SAV1: variants seen among roughly 807,000 people sequenced by gnomAD.
SAV1 encodes the protein protein salvador homolog 1.
Under a neutral mutation model 47.3 loss-of-function variants are expected in SAV1, and 23 were observed. The observed-to-expected ratio is 0.49, with a 90% CI of 0.35 to 0.69. SAV1 has a LOEUF of 0.69. Among genes scored for constraint, SAV1 ranks in the 30% least tolerant of loss-of-function variants. The pLI, the probability that SAV1 is intolerant of heterozygous loss-of-function variation, is 0.01. For missense variants in SAV1, 448 were observed against 457.4 expected (o/e 0.98, Z 0.19); for synonymous variants, 155 against 159.2 (o/e 0.97, Z 0.20).
At chr14:50,661,958 G>A (rs1164421604) in intron 2 of SAV1, among the ~76,000 whole-genome samples, 1 of 152,130 alleles carries the variant, frequency 6.6e-6, no homozygotes, top group Non-Finnish European at 1.5e-5. Context: ...TGGGCTCCTT[G>A]TTGGTTCTGT....
chr14:50,662,255 G>A (rs1351574787), intron 2 of SAV1, among the ~76,000 whole-genome samples: 7 of 152,244 alleles, frequency 4.6e-5, no homozygotes, highest in Admixed American at 6.5e-5. Context: ...TGCAAGCTCC[G>A]CCTCCCGGGT....
intron 2 of SAV1, among the ~76,000 whole-genome samples, chr14:50,659,044 C>G (rs998555046): frequency 1.3e-5 from 2 of 151,108 alleles, no homozygotes; most frequent in Non-Finnish European, 2.9e-5. Context: ...CTCTCAAGCT[C>G]TCAAGCAGTG....
At chr14:50,660,033 T>C (rs2039845651) in intron 2 of SAV1, among the ~76,000 whole-genome samples, 1 of 152,226 alleles carries the variant, frequency 6.6e-6, no homozygotes, top group Non-Finnish European at 1.5e-5. Flanking sequence ...CCCAGCTTTC[T>C]TTCCATAGTA....
chr14:50,635,083 A>T lies in SAV1; in HGVS notation c.*100T>A. 1.3e-6 allele frequency: 1 copy of T among 793,080 alleles called. No individual in the cohort carries two copies. Among genetic ancestry groups the T allele is most frequent in the Non-Finnish European group, 2.0e-6 (1 of 496,366 alleles). The allele number at this position is 793,080 out of a possible 1,614,324, so 49.1% of individuals were successfully genotyped here. ...AAAGTTAGAATTTTATAATTTCCAC[A>T]AAGGAAGCAGCATTTATTAACCAGA... is the stretch of plus-strand genomic sequence containing the variant. On this transcript the variant is annotated 3_prime_UTR_variant, in exon 5 of 5. Coordinates refer to ENST00000324679, the MANE Select transcript of SAV1 (RefSeq NM_021818.4).
intron 2 of SAV1, among the ~76,000 whole-genome samples, chr14:50,650,511 T>C (rs1194466463): frequency 6.6e-6 from 1 of 152,246 alleles, no homozygotes; most frequent in Non-Finnish European, 1.5e-5. Context: ...CCCTTGTCTG[T>C]GTGACCAATA....
chr14:50,661,868 G>T (rs1405432918), intron 2 of SAV1, among the ~76,000 whole-genome samples: 5 of 152,208 alleles, frequency 3.3e-5, no homozygotes, highest in Middle Eastern at 3.4e-3. Context: ...CTTGTATGTG[G>T]TTACTATAGC....
At chr14:50,665,098 A>G in intron 2 of SAV1, 81 bp downstream of exon 2, 1 of 1,465,646 alleles carries the variant, frequency 6.8e-7, no homozygotes, top group Non-Finnish European at 9.0e-7. Flanking sequence ...TTCGTGTCCC[A>G]AGAAAATCTA....
rs370168372 is a variant in SAV1 at position 50,667,858 on chromosome 14, C to G, written c.94+16G>C. On this transcript the variant is annotated intron_variant, in intron 1 of 4. Transcript: ENST00000324679. ...CCGCCTGGGCCAGGTGTGGGCACGC[C>G]CCGCCTGACACTCACTCCGAAGCAG... The G allele has an allele frequency of 1.9e-5, 30 of 1,611,594 alleles. No homozygotes were observed. In the African/African-American group the frequency reaches 3.7e-4, roughly 20 times the overall value.
At chr14:50,660,416 T>C (rs1282326846) in intron 2 of SAV1, among the ~76,000 whole-genome samples, 1 of 152,246 alleles carries the variant, frequency 6.6e-6, no homozygotes, top group East Asian at 1.9e-4. Flanking sequence ...GTATCTGCTG[T>C]CTCAGTGTTC....
At chr14:50,645,133 T>G in intron 2 of SAV1, 119 bp from the exon 3 acceptor site, 1 of 827,684 alleles carries the variant, frequency 1.2e-6, no homozygotes, top group Non-Finnish European at 1.8e-6. Flanking sequence ...TTTAAATTCA[T>G]GATTATGCCC....
chr14:50,650,121 G>C (rs539768262), intron 2 of SAV1, among the ~76,000 whole-genome samples: 7 of 152,326 alleles, frequency 4.6e-5, no homozygotes, highest in Admixed American at 1.3e-4. Context: ...TCTAAAGAAG[G>C]ATATGTAAGT....
chr14:50,663,626 A>G (rs905487435), intron 2 of SAV1, among the ~76,000 whole-genome samples: 3 of 152,180 alleles, frequency 2.0e-5, no homozygotes, highest in Non-Finnish European at 4.4e-5. Context: ...TTAAAACTTC[A>G]GTGATCTGCT....
intron 4 of SAV1, chr14:50,637,663 A>ATTTTTTTTTTTTTT (rs771403561): frequency 7.8e-6 from 1 of 128,764 alleles, no homozygotes; most frequent in Non-Finnish European, 1.6e-5. Context: ...CAATTTTGTC[A>ATTTTTTTTTTTTTT]GTTTTTTTTT....
rs776610988 is a variant in SAV1 at position 50,644,783 on chromosome 14, G to T, written c.767C>A (p.Thr256Lys). The T allele has an allele frequency of 6.2e-7, 1 of 1,614,072 alleles. No individual in the cohort carries two copies. The highest frequency in any genetic ancestry group is 1.7e-5 in the Admixed American group (1 of 60,020). ...SEFGTYYVDHTNKKAQYRHPC... is the reference protein window; with the variant it reads ...SEFGTYYVDHKNKKAQYRHPC... ...ATGCCTGTATTGGGCCTTCTTATTT[G>T]TGTGATCTACATAATAGGTTCCAAA... is the stretch of plus-strand genomic sequence containing the variant. The change falls in exon 3 of 5, where the codon ACA becomes AAA. Residue 256 changes from threonine to lysine, a missense_variant. By Grantham distance (78) the Thr-to-Lys change is moderately conservative. Coordinates refer to ENST00000324679, the MANE Select transcript of SAV1 (RefSeq NM_021818.4).
chr14:50,667,310 G>A (rs1010549218), intron 1 of SAV1: 4 of 358,474 alleles, frequency 1.1e-5, no homozygotes, highest in African/African-American at 8.6e-5. Context: ...AAGGCTTTTG[G>A]CTCTCTGCTC....
intron 2 of SAV1, among the ~76,000 whole-genome samples, chr14:50,656,689 G>A (rs546489695): frequency 1.3e-5 from 2 of 152,144 alleles, no homozygotes; most frequent in Admixed American, 6.5e-5. Context: ...TGATCCGCCC[G>A]TCTCAGCCTC....
intron 3 of SAV1, 130 bp from the exon 4 acceptor site, chr14:50,641,023 G>A: frequency 1.5e-6 from 1 of 684,688 alleles, no homozygotes; most frequent in Non-Finnish European, 2.2e-6. Context: ...CCACCTGAAA[G>A]GTAATGTATT....
intron 1 of SAV1, among the ~76,000 whole-genome samples, chr14:50,666,403 CT>C (rs1462254092): frequency 6.6e-6 from 1 of 152,126 alleles, no homozygotes; most frequent in Non-Finnish European, 1.5e-5. Context: ...AAGCAAATAC[CT>C]TTAAAACAAG....
At chr14:50,667,775 C>T in intron 1 of SAV1, 99 bp downstream of exon 1, 1 of 844,030 alleles carries the variant, frequency 1.2e-6, no homozygotes, top group Non-Finnish European at 1.9e-6. Flanking sequence ...CGACCAAGGA[C>T]GAAGGAGAAG....
Sources: gnomAD v4.1 joint callset for allele counts (sites outside exome capture counted in the v4.1 genomes callset) on GRCh38, gnomAD v4.1.1 for gene constraint, MANE v1.5 for transcripts, NCBI Gene and HGNC (gene_info 2026-07-23, HGNC 2026-07-21) for gene names.